Variants in RALYL observed in about 807,000 individuals in gnomAD.
The protein encoded by RALYL is RNA-binding Raly-like protein.
RALYL carries 29 observed loss-of-function variants against 35.1 expected under a neutral mutation model. That is an observed-to-expected ratio of 0.83 (90% CI 0.61 to 1.13). RALYL has a LOEUF of 1.13. RALYL is among the 50% of genes most tolerant of loss of function. The probability of loss-of-function intolerance (pLI) is 0.00; values close to 1 mark genes in which losing one functional copy is unlikely to be tolerated. For missense variants in RALYL, 359 were observed against 360.4 expected (o/e 1.00, Z 0.03); for synonymous variants, 120 against 127.6 (o/e 0.94, Z 0.40).
chr8:84,233,053 G>GCACA (rs1470074487), intron 1 of RALYL, among the ~76,000 whole-genome samples: 2 of 152,048 alleles, frequency 1.3e-5, no homozygotes, highest in East Asian at 3.9e-4. Flanking sequence ...CAAAATCATA[G>GCACA]TTCACTGTAA....
chr8:84,295,919 A>C (rs1167646821), intron 1 of RALYL, among the ~76,000 whole-genome samples: 1 of 152,114 alleles, frequency 6.6e-6, no homozygotes, highest in Non-Finnish European at 1.5e-5. Context: ...CTGACTGTGG[A>C]AGGGACACTA....
chr8:84,196,463 A>G (rs1353978982), intron 1 of RALYL, among the ~76,000 whole-genome samples: 1 of 152,282 alleles, frequency 6.6e-6, no homozygotes, highest in African/African-American at 2.4e-5. Flanking sequence ...ATTAATTTTC[A>G]TAAAGATTTT....
At chr8:84,779,694 G>A (rs568762277) in intron 3 of RALYL, among the ~76,000 whole-genome samples, 3 of 152,182 alleles carry the variant, frequency 2.0e-5, no homozygotes, top group African/African-American at 7.2e-5. Flanking sequence ...CACCATGAAT[G>A]TGGGTTATAT....
At chr8:84,555,660 T>G (rs2061064776) in intron 2 of RALYL, among the ~76,000 whole-genome samples, 1 of 152,228 alleles carries the variant, frequency 6.6e-6, no homozygotes, top group African/African-American at 2.4e-5. Flanking sequence ...GTTCTAAAGT[T>G]TCCTTTAGGT....
At chr8:84,482,976 A>G (rs1389236529) in intron 1 of RALYL, among the ~76,000 whole-genome samples, 3 of 152,086 alleles carry the variant, frequency 2.0e-5, no homozygotes, top group Non-Finnish European at 4.4e-5. Flanking sequence ...AATTATGCTT[A>G]GTACTATTTT....
At chr8:84,312,641 T>C (rs1056273789) in intron 1 of RALYL, among the ~76,000 whole-genome samples, 1 of 152,214 alleles carries the variant, frequency 6.6e-6, no homozygotes, top group Non-Finnish European at 1.5e-5. Context: ...TGAAATGATC[T>C]CTTTGGACCC....
chr8:84,577,176 A>T (rs1410596191), intron 2 of RALYL, among the ~76,000 whole-genome samples: 1 of 152,246 alleles, frequency 6.6e-6, no homozygotes, highest in Non-Finnish European at 1.5e-5. Flanking sequence ...GTAATTACGC[A>T]CTTCCTTGAG....
intron 1 of RALYL, among the ~76,000 whole-genome samples, chr8:84,229,014 C>A (rs573584194): frequency 6.6e-6 from 1 of 152,284 alleles, no homozygotes; most frequent in South Asian, 2.1e-4. Context: ...TCCCCACATT[C>A]AAGATGCATG....
intron 2 of RALYL, among the ~76,000 whole-genome samples, chr8:84,594,644 A>G (rs1236783218): frequency 1.3e-5 from 2 of 152,080 alleles, no homozygotes; most frequent in African/African-American, 4.8e-5. Context: ...TTATTAATCA[A>G]TCTGCCACAA....
intron 1 of RALYL, among the ~76,000 whole-genome samples, chr8:84,470,593 A>T (rs575715603): frequency 3.9e-5 from 6 of 152,170 alleles, no homozygotes; most frequent in African/African-American, 1.2e-4. Context: ...TTGATGTTTT[A>T]CTGACATTGT....
intron 1 of RALYL, among the ~76,000 whole-genome samples, chr8:84,410,498 T>C (rs1329727060): frequency 6.6e-6 from 1 of 151,918 alleles, no homozygotes. Flanking sequence ...GTTATTTCTT[T>C]AAAAAAATCC....
At chr8:84,789,821 G>T (rs985850580) in intron 3 of RALYL, among the ~76,000 whole-genome samples, 1 of 152,102 alleles carries the variant, frequency 6.6e-6, no homozygotes, top group Non-Finnish European at 1.5e-5. Context: ...AATCACTCCA[G>T]CCAGAGCCAC....
intron 2 of RALYL, among the ~76,000 whole-genome samples, chr8:84,732,634 G>C (rs1323923977): frequency 6.9e-6 from 1 of 144,012 alleles, no homozygotes; most frequent in African/African-American, 2.6e-5. Context: ...ATTTATCTGA[G>C]AAGTCTAATT....
intron 1 of RALYL, among the ~76,000 whole-genome samples, chr8:84,526,059 C>T (rs1211681090): frequency 6.9e-6 from 1 of 144,082 alleles, no homozygotes; most frequent in East Asian, 2.1e-4. Context: ...TCAAGCAATT[C>T]TTCTGCCTCA....
At chr8:84,520,879 G>A (rs528058869) in intron 1 of RALYL, among the ~76,000 whole-genome samples, 1 of 152,168 alleles carries the variant, frequency 6.6e-6, no homozygotes, top group South Asian at 2.1e-4. Context: ...TCAGTCCCTG[G>A]TGCCAAACAG....
intron 5 of RALYL, among the ~76,000 whole-genome samples, chr8:84,859,563 C>T (rs1056380298): frequency 3.5e-4 from 53 of 152,156 alleles, no homozygotes; most frequent in African/African-American, 1.2e-3. Flanking sequence ...TGGTGAAAGT[C>T]ATCCAGCCAG....
intron 2 of RALYL, among the ~76,000 whole-genome samples, chr8:84,547,789 A>G (rs192343715): frequency 5.3e-4 from 81 of 152,322 alleles, no homozygotes; most frequent in African/African-American, 1.8e-3. Flanking sequence ...CATTCATATG[A>G]TAAAAGTTGA....
At position 84,589,140 on chromosome 8, in the gene RALYL, C is replaced by T. The variant is rs571085187; in HGVS notation, c.256+59563C>T. Among the ~76,000 whole-genome samples the T allele has an allele frequency of 1.1e-4, 17 of 152,256 alleles. No homozygotes were observed. The East Asian group carries it at 2.7e-3, about 24-fold the overall frequency. On this transcript the variant is annotated intron_variant, in intron 2 of 8. Coordinates refer to ENST00000521268, the MANE Select transcript of RALYL (RefSeq NM_173848.7). ...CTCAAACTCCCAACCTTAGATGATCCGCCCGCCTCGGCCTCCCAAAGCGCC... is the reference window on the plus strand; with the variant it reads ...CTCAAACTCCCAACCTTAGATGATCTGCCCGCCTCGGCCTCCCAAAGCGCC...
chr8:84,838,949 C>A (rs1243223238), intron 4 of RALYL, among the ~76,000 whole-genome samples: 1 of 152,132 alleles, frequency 6.6e-6, no homozygotes, highest in Non-Finnish European at 1.5e-5. Context: ...AAAAAAGAGT[C>A]TCTGAAAAAA....
Sources: gnomAD v4.1 joint callset for allele counts (sites outside exome capture counted in the v4.1 genomes callset) on GRCh38, gnomAD v4.1.1 for gene constraint, MANE v1.5 for transcripts, NCBI Gene and HGNC (gene_info 2026-07-23, HGNC 2026-07-21) for gene names.